The following MITF variants were observed in gnomAD, a reference collection of about 807,000 sequenced individuals.
MITF encodes microphthalmia-associated transcription factor.
In MITF, 17 loss-of-function variants were observed where a neutral mutation model predicts 60.5. That is an observed-to-expected ratio of 0.28 (90% CI 0.19 to 0.42). MITF has a LOEUF of 0.42. MITF is among the 10% of genes least tolerant of loss of function. MITF has a pLI of 1.00. For synonymous variants in MITF, 260 were observed against 248.5 expected (o/e 1.05, Z -0.43); for missense variants, 622 against 683.5 (o/e 0.91, Z 1.00).
Position 69,764,053 on chromosome 3 carries a change from T to C in MITF, c.104+24352T>C, listed in dbSNP as rs1204445792. 3.6e-6 allele frequency: 3 copies of C among 842,128 alleles called. No individual in the cohort carries two copies. The African/African-American group carries it at 5.5e-5, about 15-fold the overall frequency. The allele number at this position is 842,128 out of a possible 1,614,324, so 52.2% of individuals were successfully genotyped here. On this transcript the variant is annotated intron_variant, in intron 1 of 9. Transcript: ENST00000352241. The stretch of plus-strand genomic sequence containing the variant: ...GAAATCTTTGGTTCTTGTTCATAAA[T>C]GGCTAGATTGCTTTCTGTTTGTTTT...
In MITF at chr3:69,872,510, CAT is replaced by C. The variant is rs1158018493; in HGVS notation, c.105-6623_105-6622del. Among the ~76,000 whole-genome samples the C allele has an allele frequency of 2.0e-5, 3 of 152,092 alleles. No homozygotes were observed. The East Asian group carries it at 5.8e-4, about 29-fold the overall frequency. On this transcript the variant is annotated intron_variant, in intron 1 of 9. Transcript: ENST00000352241. ...CATGTGCAACTATACTATTATATAA[CAT>C]GTACAAAAATAAAAAATGAAAGTGA...
At chr3:69,920,260 C>T (rs1348979328) in intron 2 of MITF, among the ~76,000 whole-genome samples, 2 of 152,020 alleles carry the variant, frequency 1.3e-5, no homozygotes, top group Non-Finnish European at 2.9e-5. Context: ...CTAGCGGTAG[C>T]GGAAAGTGTC....
intron 1 of MITF, among the ~76,000 whole-genome samples, chr3:69,870,440 A>ATTTTTTTT (rs1356293333): frequency 7.4e-6 from 1 of 135,262 alleles, no homozygotes; most frequent in African/African-American, 2.8e-5. Flanking sequence ...ATATATATAT[A>ATTTTTTTT]TTTTTTTTTT....
At chr3:69,859,598 T>A (rs998626822) in intron 1 of MITF, among the ~76,000 whole-genome samples, 2 of 152,088 alleles carry the variant, frequency 1.3e-5, no homozygotes, top group African/African-American at 4.8e-5. Flanking sequence ...AGGCCACTTC[T>A]ACAGCTGAAT....
At chr3:69,785,502 C>A (rs2062634106) in intron 1 of MITF, among the ~76,000 whole-genome samples, 1 of 152,168 alleles carries the variant, frequency 6.6e-6, no homozygotes, top group Admixed American at 6.5e-5. Flanking sequence ...CTTGGGTGCC[C>A]AAATTCATGC....
chr3:69,810,541 C>T (rs1430608), intron 1 of MITF, among the ~76,000 whole-genome samples: 47,769 of 151,954 alleles, frequency 0.31, 8,935 homozygotes, highest in Non-Finnish European at 0.42. Flanking sequence ...TAGTTTTGAT[C>T]TTTTATCAAA....
chr3:69,866,081 C>T lies in MITF; in HGVS notation c.105-13053C>T, dbSNP rs1382985208. On this transcript the variant is annotated intron_variant, in intron 1 of 9. Coordinates refer to ENST00000352241, the MANE Select transcript of MITF (RefSeq NM_001354604.2). The stretch of plus-strand genomic sequence containing the variant: ...TAGCCCTCATTGTGGTGTGAGGCAG[C>T]GTTTTTGTCCTGCAGGTACAGTAGG... 2.8e-5 allele frequency: 24 copies of T among 871,252 alleles called. 1 individual carries two copies. In the Admixed American group the frequency reaches 7.5e-4, roughly 27 times the overall value. The allele number at this position is 871,252 out of a possible 1,614,324, so 54.0% of individuals were successfully genotyped here.
At chr3:69,942,455 G>A (rs745487850) in intron 5 of MITF, among the ~76,000 whole-genome samples, 17 of 151,890 alleles carry the variant, frequency 1.1e-4, no homozygotes, top group South Asian at 2.1e-4. Context: ...CTTATAGTTA[G>A]CATTTTCTTT....
chr3:69,833,369 C>T (rs2063483606), intron 1 of MITF, among the ~76,000 whole-genome samples: 2 of 151,830 alleles, frequency 1.3e-5, no homozygotes, highest in East Asian at 2.0e-4. Flanking sequence ...TTTCTATTTA[C>T]ACTGTATGTG....
chr3:69,813,487 C>A (rs1484262981), intron 1 of MITF, among the ~76,000 whole-genome samples: 1 of 152,104 alleles, frequency 6.6e-6, no homozygotes, highest in African/African-American at 2.4e-5. Flanking sequence ...CTGGAAAGAC[C>A]TAGGCCAACT....
intron 2 of MITF, among the ~76,000 whole-genome samples, chr3:69,909,154 T>C (rs1032897737): frequency 1.1e-4 from 17 of 152,238 alleles, no homozygotes; most frequent in African/African-American, 4.1e-4. Context: ...GGGCTGGTCT[T>C]TCCCATGTGG....
In MITF at chr3:69,826,131, C is replaced by A. The variant is rs80168788; in HGVS notation, c.105-53003C>A. Among the ~76,000 whole-genome samples, 58 of 152,232 alleles carry A rather than the reference C, an allele frequency of 3.8e-4. 1 individual carries two copies. The Middle Eastern group carries it at 0.01, about 27-fold the overall frequency. ...ATGATTTATTGACAAACTGGACTCT[C>A]GTTAACCAGCCCTCAGGTAAACTAA... On this transcript the variant is annotated intron_variant, in intron 1 of 9. Transcript: ENST00000352241.
intron 1 of MITF, among the ~76,000 whole-genome samples, chr3:69,764,463 C>G (rs1221550520): frequency 2.6e-5 from 4 of 152,206 alleles, no homozygotes; most frequent in Non-Finnish European, 4.4e-5. Flanking sequence ...TTTTCAAGTA[C>G]TGTAGGAACA....
At chr3:69,882,268 G>A (rs112454088) in intron 2 of MITF, among the ~76,000 whole-genome samples, 5 of 152,186 alleles carry the variant, frequency 3.3e-5, no homozygotes, top group African/African-American at 7.2e-5. Context: ...TCATTGTGCC[G>A]TGAGTAAGTT....
intron 9 of MITF, among the ~76,000 whole-genome samples, chr3:69,962,952 T>C (rs1217069542): frequency 6.6e-6 from 1 of 152,204 alleles, no homozygotes; most frequent in African/African-American, 2.4e-5. Flanking sequence ...TTCTGAGGCC[T>C]CTCTCCTTGG....
chr3:69,897,178 AAAG>A (rs1442579023), intron 2 of MITF, among the ~76,000 whole-genome samples: 12 of 152,246 alleles, frequency 7.9e-5, no homozygotes, highest in Admixed American at 6.5e-4. Flanking sequence ...TCCTTTTAGG[AAAG>A]AAGAAGGTGG....
intron 1 of MITF, among the ~76,000 whole-genome samples, chr3:69,802,753 G>A (rs1458162809): frequency 7.4e-6 from 1 of 134,862 alleles, no homozygotes; most frequent in Non-Finnish European, 1.5e-5. Context: ...GTGCAATGGT[G>A]TGATCTCGGC....
chr3:69,929,097 A>G (rs2065657792), intron 2 of MITF, among the ~76,000 whole-genome samples: 1 of 152,148 alleles, frequency 6.6e-6, no homozygotes, highest in Non-Finnish European at 1.5e-5. Flanking sequence ...TCATTTCCTC[A>G]GGACGTTTCC....
intron 2 of MITF, among the ~76,000 whole-genome samples, chr3:69,913,898 T>C (rs1454936521): frequency 6.6e-6 from 1 of 152,220 alleles, no homozygotes; most frequent in Admixed American, 6.5e-5. Flanking sequence ...TTTTATTAAC[T>C]GTGACACAAT....
Sources: gnomAD v4.1 joint callset for allele counts (sites outside exome capture counted in the v4.1 genomes callset) on GRCh38, gnomAD v4.1.1 for gene constraint, MANE v1.5 for transcripts, NCBI Gene and HGNC (gene_info 2026-07-23, HGNC 2026-07-21) for gene names.